IMMP2L: variants seen among roughly 807,000 people sequenced by gnomAD.
The protein encoded by IMMP2L is mitochondrial inner membrane protease subunit 2.
Under a neutral mutation model 19.3 loss-of-function variants are expected in IMMP2L, and 18 were observed. The observed-to-expected ratio is 0.93, with a 90% CI of 0.64 to 1.38. IMMP2L has a LOEUF of 1.38. IMMP2L is among the 40% of genes most tolerant of loss of function. IMMP2L has a pLI of 0.00. For missense variants in IMMP2L, 233 were observed against 218.2 expected (o/e 1.07, Z -0.43); for synonymous variants, 76 against 73.0 (o/e 1.04, Z -0.21).
At chr7:111,401,076 G>A (rs1443188333) in intron 3 of IMMP2L, among the ~76,000 whole-genome samples, 1 of 152,064 alleles carries the variant, frequency 6.6e-6, no homozygotes, top group African/African-American at 2.4e-5. Context: ...GGACAGAACA[G>A]ATTTGCTTCT....
At chr7:111,379,804 G>A (rs1305197897) in intron 3 of IMMP2L, among the ~76,000 whole-genome samples, 1 of 151,756 alleles carries the variant, frequency 6.6e-6, no homozygotes, top group African/African-American at 2.4e-5. Context: ...AAGAAAACTA[G>A]CAAGTCAGTT....
At position 111,199,760 on chromosome 7, in the gene IMMP2L, G is replaced by A. The variant is rs563165052; in HGVS notation, c.240-236195C>T. 1.7e-4 allele frequency among the ~76,000 whole-genome samples: 26 copies of A among 152,214 alleles called. 1 individual carries two copies. In the Middle Eastern group the frequency reaches 0.01, roughly 60 times the overall value. Reference sequence around the variant, plus strand: ...AAATTACAATCTTATGAGTGCATGTGCATTAGGGATCATGTTAAAACCATC... The same window carrying A: ...AAATTACAATCTTATGAGTGCATGTACATTAGGGATCATGTTAAAACCATC... On this transcript the variant is annotated intron_variant, in intron 3 of 5. Coordinates refer to ENST00000405709, the MANE Select transcript of IMMP2L (RefSeq NM_032549.4).
rs184176200 is a variant in IMMP2L, at chr7:111,024,865, T to G, written c.240-61300A>C. Among the ~76,000 whole-genome samples the G allele has an allele frequency of 2.4e-3, 371 of 152,336 alleles. 4 individuals carry two copies. Among genetic ancestry groups the G allele is most frequent in the African/African-American group, 8.5e-3 (355 of 41,574 alleles). ...ATATTTTTACTTGTCTTTCAAATTT[T>G]CCTTAATCATATCAGACATTTTCAG... On this transcript the variant is annotated intron_variant, in intron 3 of 5. Transcript: ENST00000405709.
chr7:110,885,092 A>AATACC (rs1464154354), intron 5 of IMMP2L, among the ~76,000 whole-genome samples: 2 of 152,094 alleles, frequency 1.3e-5, no homozygotes, highest in Non-Finnish European at 2.9e-5. Context: ...TCACAAACAT[A>AATACC]TCTAAAGGTA....
At chr7:111,546,255 C>T (rs373859595) in intron 1 of IMMP2L, among the ~76,000 whole-genome samples, 4 of 152,002 alleles carry the variant, frequency 2.6e-5, no homozygotes, top group African/African-American at 9.6e-5. Flanking sequence ...CCAAACTGAC[C>T]TCAATGAAAA....
chr7:111,354,401 C>T (rs1052917818), intron 3 of IMMP2L, among the ~76,000 whole-genome samples: 1 of 151,534 alleles, frequency 6.6e-6, no homozygotes, highest in African/African-American at 2.4e-5. Context: ...CAAACAGCAA[C>T]CGACAACGAA....
intron 3 of IMMP2L, among the ~76,000 whole-genome samples, chr7:111,473,253 A>G (rs950521074): frequency 1.3e-5 from 2 of 152,110 alleles, no homozygotes; most frequent in Non-Finnish European, 2.9e-5. Context: ...GGCGATCTGC[A>G]TGTCTTCTTT....
chr7:110,871,441 A>C (rs1808530680), intron 5 of IMMP2L, among the ~76,000 whole-genome samples: 1 of 152,142 alleles, frequency 6.6e-6, no homozygotes, highest in Non-Finnish European at 1.5e-5. Flanking sequence ...GCCTAGAAAA[A>C]GGACTGGTTA....
rs866854850 is a variant in IMMP2L, at chr7:110,669,095, G to A, written c.409-5374C>T. On this transcript the variant is annotated intron_variant, in intron 5 of 5. Coordinates refer to ENST00000405709, the MANE Select transcript of IMMP2L (RefSeq NM_032549.4). ...TGTGTGTGTGTGTGTGTGTGTATAT[G>A]TATATATATATATAGAGAGAGAGAG... Among the ~76,000 whole-genome samples, 237 of 88,800 alleles carry A rather than the reference G, an allele frequency of 2.7e-3. 2 individuals carry two copies. Among genetic ancestry groups the A allele is most frequent in the African/African-American group, 0.014 (171 of 12,630 alleles). 58.3% of individuals were successfully genotyped at this position (88,800 alleles called of 152,430 possible).
At chr7:111,203,235 A>C (rs1044724935) in intron 3 of IMMP2L, among the ~76,000 whole-genome samples, 1 of 152,192 alleles carries the variant, frequency 6.6e-6, no homozygotes, top group Non-Finnish European at 1.5e-5. Flanking sequence ...TATTCATTCA[A>C]TAAACATTTA....
Position 111,539,188 on chromosome 7 carries a change from GAAGGAGGGAGAAAGAAAGAAAGAA to G in IMMP2L, c.-2-17763_-2-17740del, listed in dbSNP as rs1220085800. On this transcript the variant is annotated intron_variant, in intron 1 of 5. Coordinates refer to ENST00000405709, the MANE Select transcript of IMMP2L (RefSeq NM_032549.4). The stretch of plus-strand genomic sequence containing the variant: ...GGAAGGAAGGAAGGAAGGAAGGAAG[GAAGGAGGGAGAAAGAAAGAAAGAA>G]AGAAAGAAAGAAAGAAAGAAAGAAA... Among the ~76,000 whole-genome samples, 403 of 69,052 alleles carry G rather than the reference GAAGGAGGGAGAAAGAAAGAAAGAA, an allele frequency of 5.8e-3. 18 individuals are homozygous for G. Among genetic ancestry groups the G allele is most frequent in the Middle Eastern group, 0.018 (3 of 170 alleles). The allele number at this position is 69,052 out of a possible 152,430, so 45.3% of individuals were successfully genotyped here.
At chr7:111,140,879 A>G (rs1802809715) in intron 3 of IMMP2L, among the ~76,000 whole-genome samples, 1 of 152,232 alleles carries the variant, frequency 6.6e-6, no homozygotes, top group Admixed American at 6.5e-5. Flanking sequence ...GACAAAGCAA[A>G]TAAGAAATTA....
intron 5 of IMMP2L, among the ~76,000 whole-genome samples, chr7:110,706,455 A>G (rs1443450919): frequency 6.6e-6 from 1 of 152,098 alleles, no homozygotes; most frequent in African/African-American, 2.4e-5. Context: ...CAGCAGCTGA[A>G]CTCATTTACA....
chr7:110,862,184 A>G (rs1054393871), intron 5 of IMMP2L, among the ~76,000 whole-genome samples: 2 of 151,898 alleles, frequency 1.3e-5, no homozygotes, highest in African/African-American at 4.8e-5. Flanking sequence ...GGGGATTCAG[A>G]ATGTCTTTAG....
intron 5 of IMMP2L, among the ~76,000 whole-genome samples, chr7:110,827,421 A>G (rs1180221774): frequency 6.6e-6 from 1 of 152,182 alleles, no homozygotes; most frequent in African/African-American, 2.4e-5. Context: ...CTCTGGGATT[A>G]TAATATACCT....
At chr7:111,319,455 C>G (rs1824449156) in intron 3 of IMMP2L, among the ~76,000 whole-genome samples, 1 of 151,956 alleles carries the variant, frequency 6.6e-6, no homozygotes, top group Admixed American at 6.6e-5. Flanking sequence ...AAGTAGAACT[C>G]CTTTTGGCTG....
intron 5 of IMMP2L, among the ~76,000 whole-genome samples, chr7:110,834,599 C>T (rs1362865421): frequency 6.6e-6 from 1 of 151,982 alleles, no homozygotes; most frequent in Non-Finnish European, 1.5e-5. Flanking sequence ...CATCTTAGAA[C>T]AAAGAATTAA....
intron 3 of IMMP2L, among the ~76,000 whole-genome samples, chr7:111,448,229 C>G (rs1240039629): frequency 8.2e-6 from 1 of 122,210 alleles, no homozygotes; most frequent in East Asian, 2.2e-4. Flanking sequence ...CTACAGAACT[C>G]TCCACCCCAA....
At chr7:111,099,257 T>A (rs185182769) in intron 3 of IMMP2L, among the ~76,000 whole-genome samples, 1 of 151,716 alleles carries the variant, frequency 6.6e-6, no homozygotes, top group Admixed American at 6.6e-5. Flanking sequence ...TTTCCTTGTA[T>A]CTAGTTCCAA....
Sources: allele counts gnomAD v4.1 joint callset (sites outside exome capture counted in the v4.1 genomes callset), GRCh38; gene constraint gnomAD v4.1.1; transcripts MANE v1.5; gene names NCBI Gene and HGNC (gene_info 2026-07-23, HGNC 2026-07-21).